Variants in EFNA2 observed in about 807,000 individuals in gnomAD.
The protein encoded by EFNA2 is ephrin A2.
A neutral mutation model predicts 19.7 loss-of-function variants in EFNA2; 18 were observed. The ratio of observed to expected loss-of-function variants is 0.91; its 90% confidence interval spans 0.63 to 1.35. The LOEUF (loss-of-function observed/expected upper bound fraction) is 1.35. Among genes scored for constraint, EFNA2 ranks in the 40% most tolerant of loss-of-function variants. The probability of loss-of-function intolerance (pLI) is 0.00; values close to 1 mark genes in which losing one functional copy is unlikely to be tolerated. For synonymous variants in EFNA2, 187 were observed against 137.8 expected (o/e 1.36, Z -2.50); for missense variants, 303 against 296.0 (o/e 1.02, Z -0.17).
intron 1 of EFNA2, among the ~76,000 whole-genome samples, chr19:1,290,432 C>T (rs1415738321): frequency 6.6e-6 from 1 of 152,204 alleles, no homozygotes; most frequent in Non-Finnish European, 1.5e-5. Flanking sequence ...GCCGTGAACG[C>T]AGTGGGATTT....
In EFNA2 at chr19:1,287,649, G is replaced by A. The variant is rs2144611513; in HGVS notation, c.140+1341G>A. Among the ~76,000 whole-genome samples, 1 of 152,220 alleles carries A rather than the reference G, an allele frequency of 6.6e-6. No homozygotes were observed. Among genetic ancestry groups the A allele is most frequent in the Non-Finnish European group, 1.5e-5 (1 of 67,982 alleles). On this transcript the variant is annotated intron_variant, in intron 1 of 3. Transcript: ENST00000215368. The surrounding 1 kb of genome is among the most constrained non-coding windows in gnomAD (Gnocchi z 6.2). The stretch of plus-strand genomic sequence containing the variant: ...GGCCTCGGGTCGGGCCCTGGGGGCT[G>A]AGGGCAGGGACCCCGGGCCGCTGGG...
chr19:1,290,042 G>A (rs777666741), intron 1 of EFNA2, among the ~76,000 whole-genome samples: 1 of 151,974 alleles, frequency 6.6e-6, no homozygotes, highest in Non-Finnish European at 1.5e-5. Flanking sequence ...CGGGAGTCTG[G>A]GAGACCTGGG....
rs1041704863 is a variant in EFNA2, at chr19:1,294,821, C to T, written c.141-724C>T. 6.6e-6 allele frequency among the ~76,000 whole-genome samples: 1 copy of T among 151,510 alleles called. No individual in the cohort carries two copies. The highest frequency in any genetic ancestry group is 2.4e-5 in the African/African-American group (1 of 41,206). ...GAATGCCCGACCTGTGTCCCCCACG[C>T]TGCCCCGGTCCTTCTCAACAGGTGG... On this transcript the variant is annotated intron_variant, in intron 1 of 3. Coordinates refer to ENST00000215368, the MANE Select transcript of EFNA2 (RefSeq NM_001405.4). This position sits in a 1 kb window ranked among gnomAD's most constrained non-coding sequence, Gnocchi z 5.8.
At chr19:1,292,089 C>T (rs576081776) in intron 1 of EFNA2, among the ~76,000 whole-genome samples, 2 of 152,364 alleles carry the variant, frequency 1.3e-5, no homozygotes, top group South Asian at 4.1e-4. Flanking sequence ...ATCGAGGCTT[C>T]ATCACTAATG....
rs1161328968 is a variant in EFNA2, at chr19:1,295,061, G to T, written c.141-484G>T. Among the ~76,000 whole-genome samples, 2 of 152,070 alleles carry T rather than the reference G, an allele frequency of 1.3e-5. No individual in the cohort carries two copies. The highest frequency in any genetic ancestry group is 2.1e-4 in the South Asian group (1 of 4,830). ...CACCTCGCTGCTGGCCCTGCCGTGG[G>T]GCTGTTGGGGACACTGAGGCAGGAG... On this transcript the variant is annotated intron_variant, in intron 1 of 3. Transcript: ENST00000215368. The surrounding 1 kb of genome is among the most constrained non-coding windows in gnomAD (Gnocchi z 5.8).
chr19:1,294,712 T>G lies in EFNA2; in HGVS notation c.141-833T>G, dbSNP rs1600058961. 2.7e-5 allele frequency among the ~76,000 whole-genome samples: 4 copies of G among 146,664 alleles called. No homozygotes were observed. The highest frequency in any genetic ancestry group is 4.5e-5 in the Non-Finnish European group (3 of 66,598). ...AACTCTGGGGGTGCTGAGAGGAGGG[T>G]GGAGGGATTCTTCACGCCAAGCTCC... On this transcript the variant is annotated intron_variant, in intron 1 of 3. Transcript: ENST00000215368. The surrounding 1 kb of genome is among the most constrained non-coding windows in gnomAD (Gnocchi z 5.8).
At chr19:1,299,674 G>T (rs1050201155) in intron 3 of EFNA2, 150 bp from the exon 4 acceptor site, 3 of 1,017,466 alleles carry the variant, frequency 2.9e-6, no homozygotes, top group Non-Finnish European at 4.0e-6. Context: ...CGGAGAGTGG[G>T]CATCGGGGAT....
rs1164997406 is a variant in EFNA2 at position 1,294,160 on chromosome 19, A to AC, written c.141-1379dup. On this transcript the variant is annotated intron_variant, in intron 1 of 3. Transcript: ENST00000215368. This position sits in a 1 kb window ranked among gnomAD's most constrained non-coding sequence, Gnocchi z 5.8. The stretch of plus-strand genomic sequence containing the variant: ...GGAGGAGGCAGGAGCGGTGTGGGGG[A>AC]CCCCCCATTCCTCCCTGTTCAGGTC... 2.0e-5 allele frequency among the ~76,000 whole-genome samples: 3 copies of AC among 150,906 alleles called. No individual in the cohort carries two copies. The highest frequency in any genetic ancestry group is 4.4e-5 in the Non-Finnish European group (3 of 67,706).
At position 1,295,439 on chromosome 19, in the gene EFNA2, C is replaced by A. The variant is rs1213208704; in HGVS notation, c.141-106C>A. 2 of 1,215,934 alleles carry A rather than the reference C, an allele frequency of 1.6e-6. No homozygotes were observed. Among genetic ancestry groups the A allele is most frequent in the Non-Finnish European group, 2.2e-6 (2 of 913,810 alleles). The allele number at this position is 1,215,934 out of a possible 1,614,324, so 75.3% of individuals were successfully genotyped here. A position where few individuals can be genotyped will look rare whatever the true frequency, so the allele number is the denominator to read the frequency against. On this transcript the variant is annotated intron_variant, in intron 1 of 3. Transcript: ENST00000215368. The surrounding 1 kb of genome is among the most constrained non-coding windows in gnomAD (Gnocchi z 5.8). ...CCCGGCCCTCGCCGCGCACCCCGAC[C>A]CGTCCCTCGTGCTCCTGTCCCCTGA...
rs1039002063 is a variant in EFNA2 at position 1,285,879 on chromosome 19, C to T, written c.-290C>T. Among the ~76,000 whole-genome samples, 2 of 146,078 alleles carry T rather than the reference C, an allele frequency of 1.4e-5. No individual in the cohort carries two copies. The highest frequency in any genetic ancestry group is 3.0e-5 in the Non-Finnish European group (2 of 65,770). ...CTCGGGCGGGACAAAGGCCGGAGCC[C>T]GGGCCCCTCCCCGGCGGGTGCGGCG... On this transcript the variant is annotated 5_prime_UTR_variant, in exon 1 of 4. Coordinates refer to ENST00000215368, the MANE Select transcript of EFNA2 (RefSeq NM_001405.4). The surrounding 1 kb of genome is among the most constrained non-coding windows in gnomAD (Gnocchi z 4.1).
rs942069245 is a variant in EFNA2 at position 1,300,400 on chromosome 19, G to A, written c.*455G>A. On this transcript the variant is annotated 3_prime_UTR_variant, in exon 4 of 4. Coordinates refer to ENST00000215368, the MANE Select transcript of EFNA2 (RefSeq NM_001405.4). ...GGAGGGGAACGCGGAACATGGGGTC[G>A]GGAACACAGCCGCTCCCCTCTGCTC... 2.4e-4 allele frequency among the ~76,000 whole-genome samples: 36 copies of A among 151,680 alleles called. No homozygotes were observed. The highest frequency in any genetic ancestry group is 5.9e-5 in the Non-Finnish European group (4 of 67,882).
rs1019047979 is a variant in EFNA2 at position 1,300,651 on chromosome 19, C to T, written c.*706C>T. Among the ~76,000 whole-genome samples the T allele has an allele frequency of 2.6e-5, 4 of 152,120 alleles. No homozygotes were observed. The highest frequency in any genetic ancestry group is 5.9e-5 in the Non-Finnish European group (4 of 68,004). The stretch of plus-strand genomic sequence containing the variant: ...AGCCGGAAGGGGTACGTGGTGGGCG[C>T]CCCTCATTGTGGCTGGGGAGACCTC... On this transcript the variant is annotated 3_prime_UTR_variant, in exon 4 of 4. Coordinates refer to ENST00000215368, the MANE Select transcript of EFNA2 (RefSeq NM_001405.4).
chr19:1,292,553 G>A (rs2081496431), intron 1 of EFNA2, among the ~76,000 whole-genome samples: 1 of 152,240 alleles, frequency 6.6e-6, no homozygotes, highest in African/African-American at 2.4e-5. Flanking sequence ...ACAGGGAACA[G>A]CACTGCAGGC....
chr19:1,285,878 C>T lies in EFNA2; in HGVS notation c.-291C>T, dbSNP rs2081461032. ...GCTCGGGCGGGACAAAGGCCGGAGCCCGGGCCCCTCCCCGGCGGGTGCGGC... is the reference window on the plus strand; with the variant it reads ...GCTCGGGCGGGACAAAGGCCGGAGCTCGGGCCCCTCCCCGGCGGGTGCGGC... On this transcript the variant is annotated 5_prime_UTR_variant, in exon 1 of 4. Transcript: ENST00000215368. This position sits in a 1 kb window ranked among gnomAD's most constrained non-coding sequence, Gnocchi z 4.1. 1.4e-5 allele frequency among the ~76,000 whole-genome samples: 2 copies of T among 146,350 alleles called. No homozygotes were observed. Among genetic ancestry groups the T allele is most frequent in the Admixed American group, 1.4e-4 (2 of 14,772 alleles).
At position 1,297,437 on chromosome 19, in the gene EFNA2, C is replaced by G. The variant is rs556582719; in HGVS notation, c.455-1114C>G. Among the ~76,000 whole-genome samples, 20 of 152,294 alleles carry G rather than the reference C, an allele frequency of 1.3e-4. No homozygotes were observed. In the East Asian group the frequency reaches 3.9e-3, roughly 29 times the overall value. Reference sequence around the variant, plus strand: ...TAATTATTGTAATTATTCGTCCTACCTCTGTGATGAATGTTATTTTTATTA... The same window carrying G: ...TAATTATTGTAATTATTCGTCCTACGTCTGTGATGAATGTTATTTTTATTA... On this transcript the variant is annotated intron_variant, in intron 2 of 3. Transcript: ENST00000215368. The surrounding 1 kb of genome is among the most constrained non-coding windows in gnomAD (Gnocchi z 5.0).
rs1341608735 is a variant in EFNA2, at chr19:1,297,519, G to A, written c.455-1032G>A. On this transcript the variant is annotated intron_variant, in intron 2 of 3. Transcript: ENST00000215368. This position sits in a 1 kb window ranked among gnomAD's most constrained non-coding sequence, Gnocchi z 5.0. The stretch of plus-strand genomic sequence containing the variant: ...GGGTTTCTAGGGGGCGGGCAGAGGT[G>A]GTGGCCATGAGAGCCAGGCCATCAG... 6.6e-6 allele frequency among the ~76,000 whole-genome samples: 1 copy of A among 152,112 alleles called. No homozygotes were observed. Among genetic ancestry groups the A allele is most frequent in the African/African-American group, 2.4e-5 (1 of 41,414 alleles).
Position 1,295,584 on chromosome 19 carries a change from G to A in EFNA2, c.180G>A (p.Thr60=). The part of the protein sequence containing the change: ...AGAGDDGGGY[T]VEVSINDYLD... ...CGGGGGACGACGGCGGGGGCTACAC[G>A]GTGGAGGTGAGCATCAATGACTACC... The change falls in exon 2 of 4, where the codon ACG becomes ACA. Residue 60 remains threonine (T), a synonymous_variant. Transcript: ENST00000215368. This position sits in a 1 kb window ranked among gnomAD's most constrained non-coding sequence, Gnocchi z 5.8. The A allele has an allele frequency of 6.2e-7, 1 of 1,609,112 alleles. No individual in the cohort carries two copies. The highest frequency in any genetic ancestry group is 8.5e-7 in the Non-Finnish European group (1 of 1,178,422).
rs1167747779 is a variant in EFNA2, at chr19:1,295,454, C to A, written c.141-91C>A. On this transcript the variant is annotated intron_variant, in intron 1 of 3. Coordinates refer to ENST00000215368, the MANE Select transcript of EFNA2 (RefSeq NM_001405.4). The surrounding 1 kb of genome is among the most constrained non-coding windows in gnomAD (Gnocchi z 5.8). The stretch of plus-strand genomic sequence containing the variant: ...GCACCCCGACCCGTCCCTCGTGCTC[C>A]TGTCCCCTGACCCTGGCCCTCCCCG... 3 of 1,332,900 alleles carry A rather than the reference C, an allele frequency of 2.3e-6. No individual in the cohort carries two copies. The Admixed American group carries it at 8.9e-5, about 40-fold the overall frequency. The allele number at this position is 1,332,900 out of a possible 1,614,324, so 82.6% of individuals were successfully genotyped here. A position where few individuals can be genotyped will look rare whatever the true frequency, so the allele number is the denominator to read the frequency against.
At chr19:1,288,743 G>A (rs1320055826) in intron 1 of EFNA2, among the ~76,000 whole-genome samples, 1 of 151,966 alleles carries the variant, frequency 6.6e-6, no homozygotes, top group East Asian at 1.9e-4. Flanking sequence ...AGGGGACCCC[G>A]CACCCACCTC....
Sources: allele counts gnomAD v4.1 joint callset (sites outside exome capture counted in the v4.1 genomes callset), GRCh38; gene constraint gnomAD v4.1.1; non-coding constraint Gnocchi (gnomAD v3.1); transcripts MANE v1.5; gene names NCBI Gene and HGNC (gene_info 2026-07-23, HGNC 2026-07-21).